TRA2A: variants seen among roughly 807,000 people sequenced by gnomAD.
TRA2A encodes the protein transformer-2 protein homolog alpha.
Under a neutral mutation model 45.7 loss-of-function variants are expected in TRA2A, and 31 were observed. That is an observed-to-expected ratio of 0.68 (90% CI 0.51 to 0.92). The LOEUF is 0.92. TRA2A is among the 40% of genes least tolerant of loss of function. The probability of loss-of-function intolerance (pLI) is 0.00; values close to 1 mark genes in which losing one functional copy is unlikely to be tolerated. For missense variants in TRA2A, 304 were observed against 367.5 expected (o/e 0.83, Z 1.41); for synonymous variants, 132 against 126.2 (o/e 1.05, Z -0.31).
chr7:23,518,876 G>T (rs377349992), intron 2 of TRA2A, among the ~76,000 whole-genome samples: 3 of 151,682 alleles, frequency 2.0e-5, no homozygotes, highest in Non-Finnish European at 4.4e-5. Context: ...TAGTAGAGAC[G>T]GGGTCTCAAC....
chr7:23,505,262 C>G lies in TRA2A; in HGVS notation c.*297G>C, dbSNP rs1789260174. 1 of 321,714 alleles carries G rather than the reference C, an allele frequency of 3.1e-6. No homozygotes were observed. Among genetic ancestry groups the G allele is most frequent in the Admixed American group, 4.9e-5 (1 of 20,460 alleles). 19.9% of individuals were successfully genotyped at this position (321,714 alleles called of 1,614,324 possible). Reference sequence around the variant, plus strand: ...ACAGTTTCTTTCCTTATTTGATTAGCTAGAAGTTTATCTAGGTAAAAGCAA... The same window carrying G: ...ACAGTTTCTTTCCTTATTTGATTAGGTAGAAGTTTATCTAGGTAAAAGCAA... On this transcript the variant is annotated 3_prime_UTR_variant, in exon 8 of 8. Transcript: ENST00000297071.
chr7:23,527,084 AAAC>A (rs1180841457), intron 1 of TRA2A, among the ~76,000 whole-genome samples: 1 of 151,956 alleles, frequency 6.6e-6, no homozygotes, highest in African/African-American at 2.4e-5. Flanking sequence ...AAGGTAGAAA[AAAC>A]AAGTTTGTAA....
intron 1 of TRA2A, among the ~76,000 whole-genome samples, chr7:23,523,581 T>C (rs1355301436): frequency 1.3e-5 from 2 of 152,230 alleles, no homozygotes; most frequent in East Asian, 3.8e-4. Flanking sequence ...TATCAAGAAC[T>C]GTACAAATGC....
chr7:23,529,874 G>A (rs1328789303), intron 1 of TRA2A, among the ~76,000 whole-genome samples: 1 of 139,676 alleles, frequency 7.2e-6, no homozygotes, highest in Non-Finnish European at 1.5e-5. Flanking sequence ...TTTTTGAGAC[G>A]GGAGTCTCAC....
chr7:23,508,525 G>A (rs759232533), intron 4 of TRA2A, among the ~76,000 whole-genome samples: 2 of 152,020 alleles, frequency 1.3e-5, no homozygotes, highest in Admixed American at 6.6e-5. Flanking sequence ...ACCAAGTTTC[G>A]CTCTTGTTGC....
At chr7:23,509,333 A>G (rs1027617465) in intron 4 of TRA2A, among the ~76,000 whole-genome samples, 5 of 152,194 alleles carry the variant, frequency 3.3e-5, no homozygotes, top group African/African-American at 9.7e-5. Context: ...TGAGGAGCTT[A>G]TATTATTATC....
chr7:23,512,011 C>A (rs1789646495), intron 4 of TRA2A, among the ~76,000 whole-genome samples: 1 of 152,188 alleles, frequency 6.6e-6, no homozygotes, highest in African/African-American at 2.4e-5. Flanking sequence ...CTGTTTGGAG[C>A]ATCATTATGG....
chr7:23,530,904 GAC>G (rs1049459278), intron 1 of TRA2A, among the ~76,000 whole-genome samples: 10 of 144,740 alleles, frequency 6.9e-5, no homozygotes, highest in Non-Finnish European at 1.5e-4. Flanking sequence ...ATTAAAGAAA[GAC>G]AGATTTTTTT....
intron 2 of TRA2A, among the ~76,000 whole-genome samples, chr7:23,518,119 T>C (rs1789970454): frequency 6.6e-6 from 1 of 151,878 alleles, no homozygotes; most frequent in African/African-American, 2.4e-5. Context: ...TTATATTTTC[T>C]GTAGTGACAG....
At position 23,516,498 on chromosome 7, in the gene TRA2A, A is replaced by G; in HGVS notation, c.201T>C (p.Arg67=). The change falls in exon 3 of 8, where the codon CGT becomes CGC. Residue 67 remains arginine, a synonymous_variant. Coordinates refer to ENST00000297071, the MANE Select transcript of TRA2A (RefSeq NM_013293.5). ...RSRSRRHSHR[R]YTRSRSHSHS... is the part of the protein sequence containing the mutation. ...GAGAGTGGGATCTGGATCGAGTGTA[A>G]CGTCTATGAGAATGTCTCCTTGACC... The G allele has an allele frequency of 6.2e-7, 1 of 1,614,236 alleles. No homozygotes were observed. Among genetic ancestry groups the G allele is most frequent in the Non-Finnish European group, 8.5e-7 (1 of 1,180,044 alleles).
chr7:23,510,673 C>A (rs193144836), intron 4 of TRA2A, among the ~76,000 whole-genome samples: 167 of 152,140 alleles, frequency 1.1e-3, no homozygotes, highest in African/African-American at 4.0e-3. Flanking sequence ...CAGGTGGAAT[C>A]AAGAGATAAA....
At chr7:23,517,567 A>G (rs955673426) in intron 2 of TRA2A, among the ~76,000 whole-genome samples, 38 of 150,342 alleles carry the variant, frequency 2.5e-4, no homozygotes, top group African/African-American at 8.5e-4. Context: ...CAACATAGCA[A>G]GACTCCACAC....
rs541202392 is a variant in TRA2A, at chr7:23,528,496, G to C, written c.36+3293C>G. On this transcript the variant is annotated intron_variant, in intron 1 of 7. Transcript: ENST00000297071. ...GCTGGGATTACAGGCGTGAGCCACC[G>C]GGCCGGCCTTGTTTTGTTTTTAAAC... is the stretch of plus-strand genomic sequence containing the variant. 4.8e-4 allele frequency among the ~76,000 whole-genome samples: 73 copies of C among 152,098 alleles called. No individual in the cohort carries two copies. The South Asian group carries it at 8.3e-3, about 17-fold the overall frequency.
intron 2 of TRA2A, among the ~76,000 whole-genome samples, chr7:23,517,185 A>G (rs1003938206): frequency 7.5e-5 from 11 of 147,186 alleles, no homozygotes; most frequent in African/African-American, 2.8e-4. Flanking sequence ...AAGATGAAGC[A>G]AGAAAAATCA....
At chr7:23,517,248 C>T (rs945479316) in intron 2 of TRA2A, among the ~76,000 whole-genome samples, 1 of 151,498 alleles carries the variant, frequency 6.6e-6, no homozygotes, top group East Asian at 2.0e-4. Context: ...CTTGTGAGGC[C>T]GAGGCGGGCG....
intron 3 of TRA2A, 131 bp from the exon 4 acceptor site, chr7:23,513,213 T>C (rs1377004397): frequency 2.9e-6 from 2 of 701,474 alleles, no homozygotes; most frequent in African/African-American, 1.8e-5. Context: ...GAGATAAGAT[T>C]TTAAGAGAAC....
At chr7:23,526,357 A>G (rs1431806981) in intron 1 of TRA2A, among the ~76,000 whole-genome samples, 2 of 152,224 alleles carry the variant, frequency 1.3e-5, no homozygotes, top group East Asian at 1.9e-4. Context: ...GTCCAAGTCT[A>G]TGAGTATAAG....
At chr7:23,521,945 ATGGT>A in intron 1 of TRA2A, 105 bp from the exon 2 acceptor site, 1 of 1,501,926 alleles carries the variant, frequency 6.7e-7, no homozygotes, top group Non-Finnish European at 8.9e-7. Flanking sequence ...TGAAAAACAA[ATGGT>A]TAGACAACAC....
intron 4 of TRA2A, among the ~76,000 whole-genome samples, chr7:23,512,613 C>G (rs1204726295): frequency 6.6e-6 from 1 of 152,062 alleles, no homozygotes; most frequent in Non-Finnish European, 1.5e-5. Context: ...CGCCGGCCAC[C>G]ACGCCTGGCT....
Sources: allele counts gnomAD v4.1 joint callset (sites outside exome capture counted in the v4.1 genomes callset), GRCh38; gene constraint gnomAD v4.1.1; transcripts MANE v1.5; gene names NCBI Gene and HGNC (gene_info 2026-07-23, HGNC 2026-07-21).